RPS6KC1: variants seen among roughly 807,000 people sequenced by gnomAD.
RPS6KC1 encodes the protein ribosomal protein S6 kinase C1, also known as inactive ribosomal protein S6 kinase delta-1.
In RPS6KC1, 54 loss-of-function variants were observed where a neutral mutation model predicts 103.8. The observed-to-expected ratio is 0.52, with a 90% CI of 0.42 to 0.65. The LOEUF is 0.65. Ranked by LOEUF, RPS6KC1 falls within the 30% of genes least tolerant of loss-of-function variation. RPS6KC1 has a pLI of 0.00. For synonymous variants in RPS6KC1, 439 were observed against 438.7 expected, an observed-to-expected ratio of 1.00 and a Z score of -0.01; for missense variants, 1,151 against 1,253.8, an observed-to-expected ratio of 0.92 and a Z score of 1.24.
chr1:213,396,776 A>G, the RPS6KC1 span, among the ~76,000 whole-genome samples: 2 of 152,174 alleles, frequency 1.3e-5, no homozygotes, highest in Non-Finnish European at 2.9e-5. Flanking sequence ...CACTGTGCTC[A>G]TCGCTGGGAA....
At chr1:213,493,199 TTAGTTA>T in the RPS6KC1 span, among the ~76,000 whole-genome samples, 16 of 152,206 alleles carry the variant, frequency 1.1e-4, no homozygotes, top group Non-Finnish European at 1.9e-4. Flanking sequence ...CAGTTTGCAC[TTAGTTA>T]TAGGAATATT....
At chr1:213,335,247 T>C in the RPS6KC1 span, among the ~76,000 whole-genome samples, 1 of 152,222 alleles carries the variant, frequency 6.6e-6, no homozygotes. Context: ...AGAAAGCTTA[T>C]AGCTCCTTAG....
the RPS6KC1 span, among the ~76,000 whole-genome samples, chr1:213,802,574 T>C: frequency 6.6e-6 from 1 of 152,232 alleles, no homozygotes; most frequent in Non-Finnish European, 1.5e-5. Context: ...GTATAGACTT[T>C]TATGTTTAGG....
chr1:213,545,715 A>T, the RPS6KC1 span, among the ~76,000 whole-genome samples: 1 of 152,206 alleles, frequency 6.6e-6, no homozygotes, highest in African/African-American at 2.4e-5. Flanking sequence ...AATTCAACCC[A>T]TATGAGTATC....
At chr1:213,825,466 C>T in the RPS6KC1 span, among the ~76,000 whole-genome samples, 1 of 152,168 alleles carries the variant, frequency 6.6e-6, no homozygotes, top group African/African-American at 2.4e-5. Flanking sequence ...CCAGGAAGAA[C>T]CCGGTGCTAG....
intron 6 of RPS6KC1, among the ~76,000 whole-genome samples, chr1:213,144,289 T>A (rs971715647): frequency 6.6e-6 from 1 of 152,048 alleles, no homozygotes; most frequent in African/African-American, 2.4e-5. Flanking sequence ...GTTTTTTATT[T>A]TTTAGAGACA....
chr1:213,135,399 G>A (rs527376844), intron 6 of RPS6KC1, among the ~76,000 whole-genome samples: 42 of 152,082 alleles, frequency 2.8e-4, no homozygotes, highest in South Asian at 4.1e-4. Flanking sequence ...CCTTCTATCC[G>A]TCTCTGTCTG....
chr1:213,447,424 G>A, the RPS6KC1 span, among the ~76,000 whole-genome samples: 3 of 152,090 alleles, frequency 2.0e-5, no homozygotes, highest in African/African-American at 7.2e-5. Flanking sequence ...CTTTCTAGTA[G>A]CATATTAAAA....
At position 213,262,796 on chromosome 1, in the gene RPS6KC1, G is replaced by A; in HGVS notation, c.3070G>A (p.Ala1024Thr). ...CATGCCAGAATGTGTCTCTGAAGAG[G>A]CTCGCTCACTCATTCAACAGGTAAT... ...LNMPECVSEE[A>T]RSLIQQLLQF... Residue 1024 changes from alanine to threonine, a missense_variant, in exon 14 of 15, where the codon GCT (alanine) becomes ACT (threonine). This residue lies in a region of RPS6KC1 where 189 missense variants were observed against 228.8 expected (regional missense o/e 0.83). Transcript: ENST00000366960. The A allele has an allele frequency of 6.2e-7, 1 of 1,608,980 alleles. No individual in the cohort carries two copies. Among genetic ancestry groups the A allele is most frequent in the Non-Finnish European group, 8.5e-7 (1 of 1,175,278 alleles).
chr1:213,610,008 G>A, the RPS6KC1 span, among the ~76,000 whole-genome samples: 1 of 152,042 alleles, frequency 6.6e-6, no homozygotes, highest in African/African-American at 2.4e-5. Flanking sequence ...ATACATACAT[G>A]AACTTTTTCA....
In RPS6KC1 at chr1:213,169,063, T is replaced by TA. The variant is rs570772533; in HGVS notation, c.951+1101dup. Among the ~76,000 whole-genome samples, 385 of 148,382 alleles carry TA rather than the reference T, an allele frequency of 2.6e-3. 1 individual carries two copies. Among genetic ancestry groups the TA allele is most frequent in the African/African-American group, 7.6e-3 (310 of 40,540 alleles). On this transcript the variant is annotated intron_variant, in intron 7 of 14. Transcript: ENST00000366960. ...GGGTAGTTACTAGGATTAAATGAAG[T>TA]AAAAAAAAAAATTTCTGTGGATTAC...
downstream of RPS6KC1, among the ~76,000 whole-genome samples, chr1:213,278,700 G>A (rs1201285144): frequency 1.3e-5 from 2 of 152,004 alleles, no homozygotes; most frequent in Non-Finnish European, 2.9e-5. Flanking sequence ...TGCCTTCAAG[G>A]ATCTTATAAA....
the RPS6KC1 span, among the ~76,000 whole-genome samples, chr1:213,648,272 A>G: frequency 6.6e-6 from 1 of 152,208 alleles, no homozygotes; most frequent in Non-Finnish European, 1.5e-5. Context: ...CAGTTTGGGA[A>G]CTATGGCTTT....
intron 7 of RPS6KC1, among the ~76,000 whole-genome samples, chr1:213,168,385 A>G (rs1365026868): frequency 6.6e-6 from 1 of 152,244 alleles, no homozygotes; most frequent in Non-Finnish European, 1.5e-5. Flanking sequence ...ACCTGGAATT[A>G]TAAAAGCATA....
the RPS6KC1 span, among the ~76,000 whole-genome samples, chr1:213,769,211 T>C: frequency 6.7e-3 from 1,016 of 152,046 alleles, 8 homozygotes; most frequent in African/African-American, 0.023. Flanking sequence ...AGGAGGGAGA[T>C]GGAGAAATGG....
chr1:213,175,073 T>TTGC (rs1272180636), intron 7 of RPS6KC1, among the ~76,000 whole-genome samples: 1 of 152,212 alleles, frequency 6.6e-6, no homozygotes, highest in African/African-American at 2.4e-5. Flanking sequence ...AGAATTAGAA[T>TTGC]TGCTGCTTTT....
intron 7 of RPS6KC1, among the ~76,000 whole-genome samples, chr1:213,174,708 A>C (rs904943235): frequency 1.3e-5 from 2 of 151,180 alleles, no homozygotes; most frequent in Non-Finnish European, 1.5e-5. Flanking sequence ...TATTGCTATT[A>C]CATGTCTGTT....
At chr1:213,360,046 G>C in the RPS6KC1 span, among the ~76,000 whole-genome samples, 2 of 151,862 alleles carry the variant, frequency 1.3e-5, no homozygotes, top group Admixed American at 6.6e-5. Context: ...TGGAGTTGCT[G>C]TTCTCGAGGA....
intron 1 of RPS6KC1, among the ~76,000 whole-genome samples, chr1:213,052,925 A>G (rs555177440): frequency 1.3e-5 from 2 of 152,306 alleles, no homozygotes; most frequent in South Asian, 4.1e-4. Context: ...CAATTCAGAT[A>G]AATGTGAGAA....
Sources: allele counts gnomAD v4.1 joint callset (sites outside exome capture counted in the v4.1 genomes callset), GRCh38; gene constraint gnomAD v4.1.1; regional missense constraint gnomAD v4.1.1; transcripts MANE v1.5; gene names NCBI Gene and HGNC (gene_info 2026-07-23, HGNC 2026-07-21).